ZNF292: variants seen among roughly 807,000 people sequenced by gnomAD.
ZNF292 encodes the protein zinc finger protein 292.
A neutral mutation model predicts 217.9 loss-of-function variants in ZNF292; 26 were observed. The observed-to-expected ratio is 0.12, with a 90% CI of 0.09 to 0.17. The LOEUF is 0.17. ZNF292 is among the 10% of genes least tolerant of loss of function. The probability of loss-of-function intolerance (pLI) is 1.00; values close to 1 mark genes in which losing one functional copy is unlikely to be tolerated. For missense variants in ZNF292, 2,904 were observed against 3,175.2 expected (o/e 0.91, Z 2.05); for synonymous variants, 1,257 against 1,124.1 (o/e 1.12, Z -2.37).
rs114540897 is a variant in ZNF292, at chr6:87,166,490, A to T, written c.168+10731A>T. Reference sequence around the variant, plus strand: ...AGAGACACTGGTGAAGGCTCCCAGCACAGTGTCTGGCACAAGGAAGACATC... The same window carrying T: ...AGAGACACTGGTGAAGGCTCCCAGCTCAGTGTCTGGCACAAGGAAGACATC... On this transcript the variant is annotated intron_variant, in intron 1 of 7. Transcript: ENST00000369577. Among the ~76,000 whole-genome samples, 736 of 152,322 alleles carry T rather than the reference A, an allele frequency of 4.8e-3. 3 individuals are homozygous for T. Among genetic ancestry groups the T allele is most frequent in the African/African-American group, 0.016 (647 of 41,570 alleles).
chr6:87,195,843 C>T (rs902501772), intron 1 of ZNF292, among the ~76,000 whole-genome samples: 1 of 151,848 alleles, frequency 6.6e-6, no homozygotes, highest in Non-Finnish European at 1.5e-5. Flanking sequence ...GCCTGGCCAA[C>T]GTGGGGAAAC....
chr6:87,216,137 A>G lies in ZNF292; in HGVS notation c.323+80A>G, dbSNP rs1007014839. The G allele has an allele frequency of 7.4e-6, 6 of 808,700 alleles. No homozygotes were observed. In the African/African-American group the frequency reaches 7.5e-5, roughly 10 times the overall value. The allele number at this position is 808,700 out of a possible 1,614,324, so 50.1% of individuals were successfully genotyped here. On this transcript the variant is annotated intron_variant, in intron 2 of 7. Transcript: ENST00000369577. ...CACACACACACACACACACACACAC[A>G]CACACACACACACACACACAACATT...
At chr6:87,183,242 C>T (rs770581627) in intron 1 of ZNF292, among the ~76,000 whole-genome samples, 4 of 151,976 alleles carry the variant, frequency 2.6e-5, no homozygotes, top group African/African-American at 7.3e-5. Context: ...TACAAAGAGC[C>T]GCATCTAATA....
intron 5 of ZNF292, among the ~76,000 whole-genome samples, chr6:87,242,861 C>T (rs558377832): frequency 1.3e-5 from 2 of 152,242 alleles, no homozygotes; most frequent in South Asian, 4.2e-4. Flanking sequence ...GTTATACGTA[C>T]ACATGCATGA....
intron 1 of ZNF292, among the ~76,000 whole-genome samples, chr6:87,156,058 C>T (rs560638794): frequency 6.6e-6 from 1 of 152,362 alleles, no homozygotes; most frequent in Admixed American, 6.5e-5. Flanking sequence ...GTACACGGTG[C>T]GGATTGGAGA....
chr6:87,231,262 C>A (rs989905403), intron 4 of ZNF292, among the ~76,000 whole-genome samples: 2 of 152,096 alleles, frequency 1.3e-5, no homozygotes, highest in Non-Finnish European at 2.9e-5. Context: ...GCTGATGCTA[C>A]TTCACAGGTT....
At chr6:87,250,390 C>T (rs1774865300) in intron 7 of ZNF292, among the ~76,000 whole-genome samples, 2 of 152,064 alleles carry the variant, frequency 1.3e-5, no homozygotes, top group African/African-American at 4.8e-5. Context: ...GATCATGCCA[C>T]TGAGCCAGGT....
chr6:87,228,444 GT>G (rs1305837682), intron 4 of ZNF292, among the ~76,000 whole-genome samples: 1 of 152,072 alleles, frequency 6.6e-6, no homozygotes, highest in African/African-American at 2.4e-5. Flanking sequence ...GTGTGATGTA[GT>G]TTTATTTTTG....
intron 4 of ZNF292, among the ~76,000 whole-genome samples, chr6:87,222,526 GA>G (rs917658791): frequency 3.9e-4 from 60 of 151,944 alleles, no homozygotes; most frequent in African/African-American, 1.5e-3. Flanking sequence ...ATTCAATACT[GA>G]GGTTAGTCTG....
At chr6:87,237,102 A>G (rs554706704) in intron 5 of ZNF292, among the ~76,000 whole-genome samples, 4 of 152,346 alleles carry the variant, frequency 2.6e-5, no homozygotes, top group Non-Finnish European at 4.4e-5. Flanking sequence ...AGAGATTATT[A>G]GTCTTAAATA....
chr6:87,217,666 T>C (rs1772858034), intron 3 of ZNF292, among the ~76,000 whole-genome samples: 1 of 152,082 alleles, frequency 6.6e-6, no homozygotes, highest in Non-Finnish European at 1.5e-5. Context: ...TTTAGATGGA[T>C]TATGAAGGAA....
At chr6:87,239,713 G>T (rs1236203359) in intron 5 of ZNF292, among the ~76,000 whole-genome samples, 1 of 137,288 alleles carries the variant, frequency 7.3e-6, no homozygotes, top group African/African-American at 3.0e-5. Context: ...CCTCCCAGAC[G>T]GGGTCGCGGC....
rs1562186002 is a variant in ZNF292, at chr6:87,257,365, C to G, written c.3736C>G (p.Leu1246Val). 2 of 1,613,718 alleles carry G rather than the reference C, an allele frequency of 1.2e-6. No homozygotes were observed. The highest frequency in any genetic ancestry group is 1.7e-6 in the Non-Finnish European group (2 of 1,179,772). ...STALPAQMEDLTKTVLPLNID... is the reference protein window; with the variant it reads ...STALPAQMEDVTKTVLPLNID... ...TGCCTTGCCAGCACAAATGGAAGAT[C>G]TAACCAAAACAGTTCTGCCTTTGAA... Residue 1246 changes from leucine to valine, a missense_variant, in exon 8 of 8, where the codon CTA becomes GTA. Coordinates refer to ENST00000369577, the MANE Select transcript of ZNF292 (RefSeq NM_015021.3).
At chr6:87,247,249 C>T (rs1774643115) in intron 7 of ZNF292, among the ~76,000 whole-genome samples, 1 of 148,768 alleles carries the variant, frequency 6.7e-6, no homozygotes, top group South Asian at 2.1e-4. Context: ...CACCCCCTCA[C>T]CACCGCCCCC....
rs973143087 is a variant in ZNF292 at position 87,264,354 on chromosome 6, A to T, written c.*2553A>T. On this transcript the variant is annotated 3_prime_UTR_variant, in exon 8 of 8. Coordinates refer to ENST00000369577, the MANE Select transcript of ZNF292 (RefSeq NM_015021.3). ...TTCAAAATACATCACCTTAAGTGAA[A>T]TGTAACAGTTTTTGAAATTTTCAAC... is the stretch of plus-strand genomic sequence containing the variant. Among the ~76,000 whole-genome samples the T allele has an allele frequency of 6.6e-6, 1 of 152,230 alleles. No individual in the cohort carries two copies. Among genetic ancestry groups the T allele is most frequent in the East Asian group, 1.9e-4 (1 of 5,206 alleles).
intron 1 of ZNF292, among the ~76,000 whole-genome samples, chr6:87,165,180 C>G (rs1378616106): frequency 6.6e-6 from 1 of 152,094 alleles, no homozygotes; most frequent in Non-Finnish European, 1.5e-5. Context: ...GTTCTTGTCC[C>G]AATGAACTCG....
intron 1 of ZNF292, among the ~76,000 whole-genome samples, chr6:87,201,811 A>G (rs1022160016): frequency 1.3e-5 from 2 of 152,146 alleles, no homozygotes; most frequent in Non-Finnish European, 2.9e-5. Context: ...TCCTGTTTAA[A>G]TGGTTGTTTC....
At chr6:87,168,789 A>G (rs1770996752) in intron 1 of ZNF292, among the ~76,000 whole-genome samples, 1 of 152,040 alleles carries the variant, frequency 6.6e-6, no homozygotes, top group Admixed American at 6.6e-5. Flanking sequence ...TTTTATATTT[A>G]GAAAGAGGTA....
rs1223824592 is a variant in ZNF292 at position 87,257,246 on chromosome 6, C to T, written c.3617C>T (p.Ser1206Leu). The T allele has an allele frequency of 6.2e-7, 1 of 1,613,712 alleles. No homozygotes were observed. The highest frequency in any genetic ancestry group is 8.5e-7 in the Non-Finnish European group (1 of 1,179,806). The change falls in exon 8 of 8, where the codon TCA (serine) becomes TTA (leucine). Residue 1206 changes from serine to leucine, a missense_variant. Physicochemically the swap from Ser to Leu is moderately radical, Grantham distance 145 (BLOSUM62 -2). This residue lies in a region of ZNF292 where 687 missense variants were observed against 623.0 expected (regional missense o/e 1.10). Transcript: ENST00000369577. ...AGTGTGTCAACTCCATTGTTGTCCTCAATGGAAAGTGTCATAAATCCAAAT... is the reference window on the plus strand; with the variant it reads ...AGTGTGTCAACTCCATTGTTGTCCTTAATGGAAAGTGTCATAAATCCAAAT... Reference protein sequence around the residue: ...LASVSTPLLSSMESVINPNIT... With the variant: ...LASVSTPLLSLMESVINPNIT...
Sources: allele counts gnomAD v4.1 joint callset (sites outside exome capture counted in the v4.1 genomes callset), GRCh38; gene constraint gnomAD v4.1.1; regional missense constraint gnomAD v4.1.1; transcripts MANE v1.5; gene names NCBI Gene and HGNC (gene_info 2026-07-23, HGNC 2026-07-21).